The following POLG variants were observed in gnomAD, a reference collection of about 807,000 sequenced individuals.
POLG encodes the protein DNA polymerase gamma, catalytic subunit.
In POLG, 110 loss-of-function variants were observed where a neutral mutation model predicts 155.4. The observed-to-expected ratio is 0.71, with a 90% CI of 0.61 to 0.83. The LOEUF (loss-of-function observed/expected upper bound fraction) is 0.83. POLG is among the 40% of genes least tolerant of loss of function. The pLI, the probability that POLG is intolerant of heterozygous loss-of-function variation, is 0.00. For missense variants in POLG, 1,685 were observed against 1,627.5 expected, an observed-to-expected ratio of 1.04 and a Z score of -0.61; for synonymous variants, 701 against 631.5, an observed-to-expected ratio of 1.11 and a Z score of -1.65.
Position 89,333,404 on chromosome 15 carries a change from G to T in POLG, c.351C>A (p.Ala117=). Residue 117 remains alanine, a synonymous_variant, in exon 2 of 23, where the codon GCC becomes GCA. Coordinates refer to ENST00000268124, the MANE Select transcript of POLG (RefSeq NM_002693.3). ...GCAGCTCCACGTCGGGCAAGGGCAC[G>T]GCTGGCTGCCCCCAGAGCCCGTGCT... ...LQKHGLWGQP[A]VPLPDVELRL... 6.2e-7 allele frequency: 1 copy of T among 1,602,314 alleles called. No individual in the cohort carries two copies. Among genetic ancestry groups the T allele is most frequent in the African/African-American group, 1.3e-5 (1 of 74,920 alleles).
chr15:89,317,871 C>T (rs1167916833), intron 21 of POLG: 1 of 378,044 alleles, frequency 2.6e-6, no homozygotes, highest in African/African-American at 2.1e-5. Context: ...TTAAGCATAA[C>T]CTCCCGGAGA....
chr15:89,317,679 G>C, intron 21 of POLG, 143 bp from the exon 22 acceptor site: 1 of 805,296 alleles, frequency 1.2e-6, no homozygotes, highest in Non-Finnish European at 2.1e-6. Flanking sequence ...AGTCAAGAAA[G>C]GTGAAGGTCC....
At chr15:89,326,563 G>A in intron 9 of POLG, 49 bp downstream of exon 9, 1 of 1,603,796 alleles carries the variant, frequency 6.2e-7, no homozygotes, top group Non-Finnish European at 8.5e-7. Context: ...TCCTGAGAAT[G>A]GAGCAAGGGT....
intron 14 of POLG, 43 bp from the exon 15 acceptor site, chr15:89,322,058 G>A (rs766597771): frequency 5.7e-6 from 9 of 1,587,742 alleles, no homozygotes; most frequent in South Asian, 5.5e-5. Context: ...GCCATGGGAA[G>A]CAGAATCTAT....
chr15:89,323,782 C>A, intron 12 of POLG, 33 bp downstream of exon 12: 1 of 1,550,202 alleles, frequency 6.5e-7, no homozygotes, highest in Non-Finnish European at 8.9e-7. Context: ...ACCCAGCACC[C>A]ACCTAGAGAA....
At position 89,317,206 on chromosome 15, in the gene POLG, A is replaced by G. The variant is rs182146869; in HGVS notation, c.3643+170T>C. ...CTGCTGCCTTCATTTCTGAAACATCATATCACATTCACTCTGGACACAGGG... is the reference window on the plus strand; with the variant it reads ...CTGCTGCCTTCATTTCTGAAACATCGTATCACATTCACTCTGGACACAGGG... On this transcript the variant is annotated intron_variant, in intron 22 of 22. Transcript: ENST00000268124. The G allele has an allele frequency of 6.6e-5, 43 of 654,926 alleles. No homozygotes were observed. The East Asian group carries it at 7.1e-4, about 11-fold the overall frequency. The allele number at this position is 654,926 out of a possible 1,614,324, so 40.6% of individuals were successfully genotyped here.
rs3176174 is a variant in POLG at position 89,328,268 on chromosome 15, T to C, written c.1250+188A>G. On this transcript the variant is annotated intron_variant, in intron 6 of 22. Coordinates refer to ENST00000268124, the MANE Select transcript of POLG (RefSeq NM_002693.3). ...AAGCACAACTCCATGGCCCTCCCCTTCAGGGCCTCTGTCAAATCCAGAGTC... is the reference window on the plus strand; with the variant it reads ...AAGCACAACTCCATGGCCCTCCCCTCCAGGGCCTCTGTCAAATCCAGAGTC... Among the ~76,000 whole-genome samples, 86,228 of 152,032 alleles carry C rather than the reference T, an allele frequency of 0.57. 26,132 individuals are homozygous for C. The highest frequency in any genetic ancestry group is 0.8 in the African/African-American group (33,067 of 41,474).
At chr15:89,325,354 T>A in intron 10 of POLG, 96 bp downstream of exon 10, 1 of 813,006 alleles carries the variant, frequency 1.2e-6, no homozygotes, top group South Asian at 1.4e-5. Context: ...GAACCCAGAC[T>A]CTTGAACCCA....
In POLG at chr15:89,329,800, G is replaced by A. The variant is rs185887497; in HGVS notation, c.855+281C>T. On this transcript the variant is annotated intron_variant, in intron 3 of 22. Coordinates refer to ENST00000268124, the MANE Select transcript of POLG (RefSeq NM_002693.3). ...TTAAGGCAGGAAGTGAGCCCAGGCTGTGGCTCAAAACCTTCAAGACCCATG... is the reference window on the plus strand; with the variant it reads ...TTAAGGCAGGAAGTGAGCCCAGGCTATGGCTCAAAACCTTCAAGACCCATG... 1.6e-3 allele frequency among the ~76,000 whole-genome samples: 249 copies of A among 152,296 alleles called. No individual in the cohort carries two copies. In the Middle Eastern group the frequency reaches 0.017, roughly 10 times the overall value.
At position 89,327,069 on chromosome 15, in the gene POLG, GA is replaced by G. The variant is rs1422281434; in HGVS notation, c.1434-7del. On this transcript the variant is annotated splice_polypyrimidine_tract_variant and splice_region_variant and intron_variant, in intron 7 of 22. Transcript: ENST00000268124. ...GCCAGGGGTCTTCTTTGTACCTACA[GA>G]GCCAGTCCACTAGGGCAGGGCTAAG... The G allele has an allele frequency of 1.2e-6, 2 of 1,614,086 alleles. No individual in the cohort carries two copies. Among genetic ancestry groups the G allele is most frequent in the Non-Finnish European group, 1.7e-6 (2 of 1,180,034 alleles).
At chr15:89,318,295 T>C (rs1443334456) in intron 21 of POLG, among the ~76,000 whole-genome samples, 1 of 152,250 alleles carries the variant, frequency 6.6e-6, no homozygotes, top group African/African-American at 2.4e-5. Context: ...CTAACCTCAC[T>C]GCTTCCCTCA....
intron 22 of POLG, 49 bp downstream of exon 22, chr15:89,317,327 G>A: frequency 1.3e-6 from 2 of 1,586,738 alleles, no homozygotes; most frequent in Non-Finnish European, 1.7e-6. Flanking sequence ...CCACTTTCTA[G>A]TCCACCTCAG....
intron 21 of POLG, 78 bp from the exon 22 acceptor site, chr15:89,317,614 C>A: frequency 7.1e-7 from 1 of 1,406,954 alleles, no homozygotes; most frequent in Non-Finnish European, 1.0e-6. Context: ...AATGACCCCA[C>A]ACCCCTTAGA....
At chr15:89,327,113 G>A in intron 7 of POLG, 50 bp from the exon 8 acceptor site, 1 of 1,614,002 alleles carries the variant, frequency 6.2e-7, no homozygotes, top group Non-Finnish European at 8.5e-7. Flanking sequence ...CGAAGGCTAG[G>A]CCGCCCACCT....
chr15:89,330,691 G>A (rs41555620), intron 2 of POLG, among the ~76,000 whole-genome samples: 4,311 of 149,528 alleles, frequency 0.029, 172 homozygotes, highest in African/African-American at 0.094. Context: ...AAAGGAGATA[G>A]ACAATAACAG....
At chr15:89,325,406 G>C (rs762378430) in intron 10 of POLG, 44 bp downstream of exon 10, 1 of 1,371,252 alleles carries the variant, frequency 7.3e-7, no homozygotes. Context: ...AGGGGAAGGG[G>C]TCCCTAGGCT....
Position 89,333,185 on chromosome 15 carries a change from G to T in POLG, c.570C>A (p.Pro190=), listed in dbSNP as rs781142923. ...PEGEAVPVAI[P]EERALVFDVE... ...CGTCGAACACCAGGGCCCGCTCCTC[G>T]GGGATGGCCACGGGTACGGCCTCCC... The change falls in exon 2 of 23, where the codon CCC becomes CCA. Residue 190 remains proline, a synonymous_variant. Transcript: ENST00000268124. 1.3e-6 allele frequency: 2 copies of T among 1,569,098 alleles called. No homozygotes were observed. Among genetic ancestry groups the T allele is most frequent in the South Asian group, 1.2e-5 (1 of 86,232 alleles).
rs146045546 is a variant in POLG at position 89,323,479 on chromosome 15, G to C, written c.2190C>G (p.Pro730=). ...TARGGPKDTQ[P]SYHHGNGPYN... ...AAGGTCCATTGCCATGGTGATAGCT[G>C]GGCTGGGTGTCCTTGGGGCCACCAC... Residue 730 remains proline, a synonymous_variant, in exon 13 of 23, where the codon CCC becomes CCG. Transcript: ENST00000268124. 2.5e-6 allele frequency: 4 copies of C among 1,613,582 alleles called. No homozygotes were observed. In the African/African-American group the frequency reaches 4.0e-5, roughly 16 times the overall value.
chr15:89,323,047 G>A (rs570834916), intron 13 of POLG, 145 bp from the exon 14 acceptor site: 120 of 758,574 alleles, frequency 1.6e-4, no homozygotes, highest in Middle Eastern at 7.7e-4. Context: ...ACGCACGCGC[G>A]CACGCGCGCA....
Sources: allele counts gnomAD v4.1 joint callset (sites outside exome capture counted in the v4.1 genomes callset), GRCh38; gene constraint gnomAD v4.1.1; transcripts MANE v1.5; gene names NCBI Gene and HGNC (gene_info 2026-07-23, HGNC 2026-07-21).